Variants in ADAM22 observed in about 807,000 individuals in gnomAD.
The protein encoded by ADAM22 is disintegrin and metalloproteinase domain-containing protein 22.
In ADAM22, 65 loss-of-function variants were observed where a neutral mutation model predicts 144.6. That is an observed-to-expected ratio of 0.45 (90% CI 0.37 to 0.55). ADAM22 has a LOEUF of 0.55. Among genes scored for constraint, ADAM22 ranks in the 20% least tolerant of loss-of-function variants. The pLI, the probability that ADAM22 is intolerant of heterozygous loss-of-function variation, is 0.00. For missense variants in ADAM22, 974 were observed against 1,184.9 expected, an observed-to-expected ratio of 0.82 and a Z score of 2.61; for synonymous variants, 391 against 412.6, an observed-to-expected ratio of 0.95 and a Z score of 0.63.
At chr7:88,011,680 C>A (rs1795452776) in intron 3 of ADAM22, among the ~76,000 whole-genome samples, 1 of 151,702 alleles carries the variant, frequency 6.6e-6, no homozygotes, top group Admixed American at 6.6e-5. Flanking sequence ...TGAAAGTAAC[C>A]CTTCATCTCA....
chr7:88,001,968 T>G (rs1327060079), intron 3 of ADAM22, among the ~76,000 whole-genome samples: 3 of 151,056 alleles, frequency 2.0e-5, no homozygotes, highest in East Asian at 1.9e-4. Flanking sequence ...GAGGTCAGGG[T>G]TTTTTTTTAC....
chr7:88,185,486 G>C (rs1001841218), intron 29 of ADAM22, among the ~76,000 whole-genome samples: 2 of 151,942 alleles, frequency 1.3e-5, no homozygotes, highest in African/African-American at 2.4e-5. Flanking sequence ...AATTTCCCCT[G>C]GTTTGTTTAC....
chr7:88,106,216 C>T (rs777309813), intron 4 of ADAM22, among the ~76,000 whole-genome samples: 2 of 152,132 alleles, frequency 1.3e-5, no homozygotes, highest in Non-Finnish European at 2.9e-5. Context: ...AAGTACCACC[C>T]TATCTTCTCC....
At position 88,009,863 on chromosome 7, in the gene ADAM22, T is replaced by G. The variant is rs74533381; in HGVS notation, c.323+31451T>G. Among the ~76,000 whole-genome samples, 783 of 152,284 alleles carry G rather than the reference T, an allele frequency of 5.1e-3. 12 individuals are homozygous for G. Among genetic ancestry groups the G allele is most frequent in the African/African-American group, 0.018 (744 of 41,570 alleles). ...TTGATTGAGTCAGCACAGTGGGCTC[T>G]AAGAATGTATCTGGATGTCATTTCT... On this transcript the variant is annotated intron_variant, in intron 3 of 31. Coordinates refer to ENST00000413139, the MANE Select transcript of ADAM22 (RefSeq NM_001324418.2).
At chr7:88,111,642 A>T (rs1826067933) in intron 5 of ADAM22, among the ~76,000 whole-genome samples, 1 of 151,804 alleles carries the variant, frequency 6.6e-6, no homozygotes. Context: ...TTATTTTGAT[A>T]CAACCTTTTG....
intron 26 of ADAM22, among the ~76,000 whole-genome samples, chr7:88,175,630 G>T (rs764655415): frequency 3.3e-5 from 5 of 152,050 alleles, no homozygotes; most frequent in Non-Finnish European, 7.4e-5. Context: ...GAAATTTGAG[G>T]TAATTTTCCC....
chr7:87,974,638 C>T (rs1019814724), intron 2 of ADAM22, among the ~76,000 whole-genome samples: 2 of 152,200 alleles, frequency 1.3e-5, no homozygotes, highest in African/African-American at 4.8e-5. Flanking sequence ...TGTTCAGAGA[C>T]AGTGTCAGTG....
rs780127224 is a variant in ADAM22, at chr7:88,107,758, AT to A, written c.391-404del. ...ATGCCACCACATCCAGCTAATTTCA[AT>A]TTTTTTTTTTTTTGTAGAGACAGGG... is the stretch of plus-strand genomic sequence containing the variant. On this transcript the variant is annotated intron_variant, in intron 4 of 31. Coordinates refer to ENST00000413139, the MANE Select transcript of ADAM22 (RefSeq NM_001324418.2). Among the ~76,000 whole-genome samples the A allele has an allele frequency of 2.4e-3, 343 of 142,714 alleles. 2 individuals carry two copies. The highest frequency in any genetic ancestry group is 5.1e-3 in the African/African-American group (200 of 39,048). 93.6% of individuals were successfully genotyped at this position (142,714 alleles called of 152,430 possible). A position where few individuals can be genotyped will look rare whatever the true frequency, so the allele number is the denominator to read the frequency against.
At chr7:88,160,869 A>T (rs1841416898) in intron 22 of ADAM22, among the ~76,000 whole-genome samples, 1 of 152,130 alleles carries the variant, frequency 6.6e-6, no homozygotes, top group South Asian at 2.1e-4. Flanking sequence ...ACAAGGACAA[A>T]AACCAAACAC....
At chr7:87,945,403 C>T (rs1368944173) in intron 2 of ADAM22, among the ~76,000 whole-genome samples, 1 of 152,008 alleles carries the variant, frequency 6.6e-6, no homozygotes, top group Non-Finnish European at 1.5e-5. Context: ...CATGTGCCTT[C>T]CAGAAAAACT....
At chr7:87,947,943 T>TG (rs1844115758) in intron 2 of ADAM22, among the ~76,000 whole-genome samples, 1 of 152,154 alleles carries the variant, frequency 6.6e-6, no homozygotes, top group Admixed American at 6.6e-5. Context: ...TGAATGAAAT[T>TG]GTTGATGCCA....
At chr7:88,045,928 G>A (rs1804572980) in intron 3 of ADAM22, among the ~76,000 whole-genome samples, 1 of 149,196 alleles carries the variant, frequency 6.7e-6, no homozygotes, top group Admixed American at 6.7e-5. Flanking sequence ...GTGTGTGTGT[G>A]TGTGTATGTC....
intron 5 of ADAM22, among the ~76,000 whole-genome samples, chr7:88,111,332 C>T (rs965542556): frequency 3.3e-5 from 5 of 151,690 alleles, no homozygotes; most frequent in African/African-American, 1.2e-4. Context: ...ATTATGTCAT[C>T]CATGACTCAT....
At chr7:87,992,412 G>C (rs928799606) in intron 3 of ADAM22, among the ~76,000 whole-genome samples, 1 of 152,170 alleles carries the variant, frequency 6.6e-6, no homozygotes, top group Non-Finnish European at 1.5e-5. Flanking sequence ...ACTTCATTTT[G>C]TTGGTAATGG....
chr7:88,141,957 A>G (rs1455853195), intron 14 of ADAM22, among the ~76,000 whole-genome samples: 3 of 152,142 alleles, frequency 2.0e-5, no homozygotes, highest in Admixed American at 6.5e-5. Context: ...GCTCTTTTTG[A>G]AGATTCTTAA....
In ADAM22 at chr7:88,113,711, T is replaced by A. The variant is rs183578541; in HGVS notation, c.474-873T>A. Among the ~76,000 whole-genome samples the A allele has an allele frequency of 6.9e-3, 582 of 84,212 alleles. 8 individuals are homozygous for A. Among genetic ancestry groups the A allele is most frequent in the African/African-American group, 0.021 (364 of 17,036 alleles). The allele number at this position is 84,212 out of a possible 152,430, so 55.2% of individuals were successfully genotyped here. A position where few individuals can be genotyped will look rare whatever the true frequency, so the allele number is the denominator to read the frequency against. On this transcript the variant is annotated intron_variant, in intron 5 of 31. Coordinates refer to ENST00000413139, the MANE Select transcript of ADAM22 (RefSeq NM_001324418.2). ...TTATAAATAAATAAATAAATATATA[T>A]ATATATATATATATATATATATATA...
chr7:88,024,300 C>A (rs1263858515), intron 3 of ADAM22, among the ~76,000 whole-genome samples: 2 of 152,144 alleles, frequency 1.3e-5, no homozygotes, highest in Non-Finnish European at 2.9e-5. Context: ...ATTTACATTC[C>A]CACCAACATT....
At chr7:88,158,489 C>G (rs1225982464) in intron 22 of ADAM22, among the ~76,000 whole-genome samples, 1 of 152,082 alleles carries the variant, frequency 6.6e-6, no homozygotes, top group Non-Finnish European at 1.5e-5. Flanking sequence ...CTAAAATTGA[C>G]CACACAATTG....
chr7:88,091,960 G>A (rs1392248143), intron 4 of ADAM22, among the ~76,000 whole-genome samples: 1 of 150,242 alleles, frequency 6.7e-6, no homozygotes, highest in Non-Finnish European at 1.5e-5. Flanking sequence ...CCCACCCCCC[G>A]CTTTTTTTAA....
Sources: gnomAD v4.1 joint callset for allele counts (sites outside exome capture counted in the v4.1 genomes callset) on GRCh38, gnomAD v4.1.1 for gene constraint, MANE v1.5 for transcripts, NCBI Gene and HGNC (gene_info 2026-07-23, HGNC 2026-07-21) for gene names.